The following PPARGC1A variants were observed in gnomAD, a reference collection of about 807,000 sequenced individuals.
The protein encoded by PPARGC1A is peroxisome proliferator-activated receptor gamma coactivator 1-alpha.
Under a neutral mutation model 88.7 loss-of-function variants are expected in PPARGC1A, and 25 were observed. That is an observed-to-expected ratio of 0.28 (90% CI 0.21 to 0.39). PPARGC1A has a LOEUF of 0.39. Ranked by LOEUF, PPARGC1A falls within the 10% of genes least tolerant of loss-of-function variation. The probability of loss-of-function intolerance (pLI) is 1.00; values close to 1 mark genes in which losing one functional copy is unlikely to be tolerated. For synonymous variants in PPARGC1A, 363 were observed against 355.6 expected, an observed-to-expected ratio of 1.02 and a Z score of -0.24; for missense variants, 880 against 968.7, an observed-to-expected ratio of 0.91 and a Z score of 1.22.
At chr4:24,195,668 CATG>C in the PPARGC1A span, among the ~76,000 whole-genome samples, 9 of 152,174 alleles carry the variant, frequency 5.9e-5, no homozygotes, top group Admixed American at 5.9e-4. Context: ...TGCAAACCAT[CATG>C]ATATTGTCAA....
the PPARGC1A span, among the ~76,000 whole-genome samples, chr4:24,347,804 G>C: frequency 6.3e-3 from 954 of 152,144 alleles, 20 homozygotes; most frequent in African/African-American, 0.022. Context: ...CCTGCTCTTT[G>C]TTGCTTCTGT....
chr4:24,013,643 G>T, the PPARGC1A span, among the ~76,000 whole-genome samples: 2 of 152,124 alleles, frequency 1.3e-5, no homozygotes, highest in Admixed American at 1.3e-4. Flanking sequence ...TTCCCTTGCT[G>T]TCATATGAAT....
the PPARGC1A span, among the ~76,000 whole-genome samples, chr4:24,317,763 G>A: frequency 0.012 from 1,785 of 151,768 alleles, 51 homozygotes; most frequent in African/African-American, 0.041. Context: ...CCACCTATAC[G>A]CAAGCACAAG....
At chr4:24,179,356 C>G in the PPARGC1A span, among the ~76,000 whole-genome samples, 1 of 152,132 alleles carries the variant, frequency 6.6e-6, no homozygotes, top group Non-Finnish European at 1.5e-5. Context: ...CTCCTCTCAT[C>G]CCAGGGCAGA....
At chr4:24,144,597 G>T in the PPARGC1A span, among the ~76,000 whole-genome samples, 6 of 151,914 alleles carry the variant, frequency 3.9e-5, no homozygotes, top group Non-Finnish European at 7.4e-5. Flanking sequence ...CCAGAAAGCT[G>T]CATGGAAAGG....
the PPARGC1A span, among the ~76,000 whole-genome samples, chr4:24,248,231 T>A: frequency 6.6e-6 from 1 of 152,034 alleles, no homozygotes. Context: ...TTCACGCCAT[T>A]CTCCTGCCTC....
the PPARGC1A span, among the ~76,000 whole-genome samples, chr4:24,031,364 C>T: frequency 4.3e-4 from 65 of 152,290 alleles, 2 homozygotes; most frequent in African/African-American, 1.4e-3. Context: ...TGTCACATGA[C>T]ACCTCACCTT....
chr4:24,196,458 A>C, the PPARGC1A span, among the ~76,000 whole-genome samples: 1 of 152,252 alleles, frequency 6.6e-6, no homozygotes. Context: ...TTATACCGTA[A>C]TGCAGATGGT....
chr4:24,340,529 G>A, the PPARGC1A span, among the ~76,000 whole-genome samples: 2 of 152,052 alleles, frequency 1.3e-5, no homozygotes, highest in East Asian at 3.9e-4. Context: ...CAGCATAAGA[G>A]ACCATAAAGA....
chr4:23,860,176 A>G (rs907569626), intron 2 of PPARGC1A, among the ~76,000 whole-genome samples: 1 of 151,862 alleles, frequency 6.6e-6, no homozygotes, highest in Admixed American at 6.6e-5. Context: ...GAAGGCTGAG[A>G]TGGGAGGACT....
the PPARGC1A span, among the ~76,000 whole-genome samples, chr4:24,460,740 T>C: frequency 6.6e-6 from 1 of 152,186 alleles, no homozygotes; most frequent in African/African-American, 2.4e-5. Context: ...CTAAAGGATT[T>C]CATTAGCACT....
chr4:24,457,544 TTTGTTTG>T, the PPARGC1A span, among the ~76,000 whole-genome samples: 1 of 147,000 alleles, frequency 6.8e-6, no homozygotes, highest in African/African-American at 2.5e-5. Context: ...TGTTTGTTTG[TTTGTTTG>T]TTTGTTTGTT....
chr4:23,957,176 A>T, the PPARGC1A span, among the ~76,000 whole-genome samples: 1 of 151,884 alleles, frequency 6.6e-6, no homozygotes, highest in African/African-American at 2.4e-5. Flanking sequence ...TCTGCCTACA[A>T]CCCTCATTAG....
At chr4:24,129,187 G>GA in the PPARGC1A span, among the ~76,000 whole-genome samples, 1 of 152,192 alleles carries the variant, frequency 6.6e-6, no homozygotes, top group African/African-American at 2.4e-5. Context: ...GTAATGGGGG[G>GA]AAAGAGTGCT....
chr4:24,444,230 G>T, the PPARGC1A span, among the ~76,000 whole-genome samples: 2 of 151,676 alleles, frequency 1.3e-5, no homozygotes, highest in Admixed American at 1.3e-4. Flanking sequence ...ACAGGGTTTC[G>T]CCACATTGGC....
At chr4:23,831,229 T>C (rs761191021) in intron 3 of PPARGC1A, among the ~76,000 whole-genome samples, 12 of 152,190 alleles carry the variant, frequency 7.9e-5, no homozygotes, top group African/African-American at 1.2e-4. Context: ...TTATTTGAAA[T>C]CACAGGTGAA....
the PPARGC1A span, among the ~76,000 whole-genome samples, chr4:24,369,738 A>G: frequency 1.3e-5 from 2 of 152,362 alleles, no homozygotes. Flanking sequence ...TTGCTGTTGC[A>G]TAATTATTCA....
chr4:24,116,867 A>G, the PPARGC1A span, among the ~76,000 whole-genome samples: 2 of 152,204 alleles, frequency 1.3e-5, no homozygotes, highest in Non-Finnish European at 2.9e-5. Context: ...CGTACATTAA[A>G]AGATTCAGTT....
chr4:23,877,537 C>CAAAAAAAAAAAAAAAAAAAAAAAAAA, intron 2 of PPARGC1A, among the ~76,000 whole-genome samples: 1 of 49,868 alleles, frequency 2.0e-5, no homozygotes, highest in Non-Finnish European at 3.2e-5. Flanking sequence ...GACTCCATCT[C>CAAAAAAAAAAAAAAAAAAAAAAAAAA]AAAAAAAAAA....
Sources: gnomAD v4.1 joint callset for allele counts (sites outside exome capture counted in the v4.1 genomes callset) on GRCh38, gnomAD v4.1.1 for gene constraint, MANE v1.5 for transcripts, NCBI Gene and HGNC (gene_info 2026-07-23, HGNC 2026-07-21) for gene names.